MED13: variants seen among roughly 807,000 people sequenced by gnomAD.
MED13 encodes the protein mediator complex subunit 13, also known as mediator of RNA polymerase II transcription subunit 13.
In MED13, 23 loss-of-function variants were observed where a neutral mutation model predicts 225.2. The observed-to-expected ratio is 0.10, with a 90% CI of 0.07 to 0.14. MED13 has a LOEUF of 0.14. MED13 is among the 10% of genes least tolerant of loss of function. MED13 has a pLI of 1.00. For synonymous variants in MED13, 942 were observed against 889.2 expected (o/e 1.06, Z -1.06); for missense variants, 2,197 against 2,594.5 (o/e 0.85, Z 3.33).
At chr17:61,961,277 C>T (rs2079997049) in intron 22 of MED13, among the ~76,000 whole-genome samples, 187 bp from the exon 23 acceptor site, 1 of 151,852 alleles carries the variant, frequency 6.6e-6, no homozygotes, top group African/African-American at 2.4e-5. Flanking sequence ...GCCTGTAATC[C>T]CAGCACTTTG....
At chr17:61,998,280 A>G (rs997359310) in intron 9 of MED13, among the ~76,000 whole-genome samples, 5 of 152,206 alleles carry the variant, frequency 3.3e-5, no homozygotes, top group African/African-American at 1.2e-4. Flanking sequence ...TCAATTAGAC[A>G]TAAAGCTAAA....
At chr17:62,048,051 T>TACATATAC (rs1364860315) in intron 3 of MED13, among the ~76,000 whole-genome samples, 14 of 144,812 alleles carry the variant, frequency 9.7e-5, no homozygotes, top group African/African-American at 2.0e-4. Context: ...TACATATATA[T>TACATATAC]ATATATATAT....
Position 61,953,116 on chromosome 17 carries a change from A to G in MED13, c.5969-3T>C, listed in dbSNP as rs755866638. The G allele has an allele frequency of 1.2e-6, 2 of 1,608,658 alleles. No individual in the cohort carries two copies. Among genetic ancestry groups the G allele is most frequent in the South Asian group, 1.1e-5 (1 of 90,050 alleles). ...GATACCCATTCCATCTGCTCCATCT[A>G]AACAGGAGAAAGAAAAGAAATTTAA... is the stretch of plus-strand genomic sequence containing the variant. On this transcript the variant is annotated splice_region_variant and splice_polypyrimidine_tract_variant and intron_variant, in intron 26 of 29. Transcript: ENST00000397786.
intron 8 of MED13, among the ~76,000 whole-genome samples, chr17:62,026,310 T>C (rs1401659811): frequency 6.6e-6 from 1 of 152,084 alleles, no homozygotes; most frequent in Non-Finnish European, 1.5e-5. Context: ...ACCAATATAA[T>C]CCATTAGAAA....
intron 3 of MED13, chr17:62,036,968 T>A (rs888557719): frequency 2.0e-5 from 3 of 152,032 alleles, no homozygotes; most frequent in African/African-American, 7.2e-5. Flanking sequence ...TCGAAATAAA[T>A]TTTTTTTAGG....
intron 28 of MED13, among the ~76,000 whole-genome samples, chr17:61,948,806 G>GCCGGGCGCGGTGGCTC (rs1052798846): frequency 1.2e-4 from 18 of 151,366 alleles, no homozygotes; most frequent in Admixed American, 9.8e-4. Context: ...GTGAGTCACG[G>GCCGGGCGCGGTGGCTC]CCGGGCGCGG....
At chr17:62,034,761 T>C (rs1275501865) in intron 4 of MED13, among the ~76,000 whole-genome samples, 1 of 152,188 alleles carries the variant, frequency 6.6e-6, no homozygotes, top group African/African-American at 2.4e-5. Flanking sequence ...AAATATTTCT[T>C]CTAGAATTCA....
At chr17:62,015,830 T>G (rs1168000075) in intron 8 of MED13, among the ~76,000 whole-genome samples, 3 of 127,392 alleles carry the variant, frequency 2.4e-5, no homozygotes, top group Non-Finnish European at 4.9e-5. Context: ...ACACACTATA[T>G]ATATACACAC....
At chr17:62,054,019 G>C (rs1162850555) in intron 2 of MED13, among the ~76,000 whole-genome samples, 1 of 152,026 alleles carries the variant, frequency 6.6e-6, no homozygotes, top group Non-Finnish European at 1.5e-5. Flanking sequence ...TTTTAAATAA[G>C]CTTTAGGCTG....
At chr17:62,056,020 C>T (rs1418442578) in intron 2 of MED13, among the ~76,000 whole-genome samples, 2 of 152,118 alleles carry the variant, frequency 1.3e-5, no homozygotes, top group Admixed American at 6.5e-5. Context: ...CTAAATCCAA[C>T]GTATCTCTGA....
At chr17:61,962,715 T>G (rs1391703158) in intron 21 of MED13, 37 bp downstream of exon 21, 1 of 1,574,422 alleles carries the variant, frequency 6.4e-7, no homozygotes, top group East Asian at 2.2e-5. Flanking sequence ...TTAAACTGTT[T>G]TACATAATTT....
intron 20 of MED13, among the ~76,000 whole-genome samples, chr17:61,964,663 T>C (rs1244349770): frequency 6.6e-6 from 1 of 152,020 alleles, no homozygotes; most frequent in Admixed American, 6.6e-5. Flanking sequence ...TGGCTGGGCG[T>C]GGTGGCTCAC....
chr17:62,024,575 G>A (rs2080681607), intron 8 of MED13, among the ~76,000 whole-genome samples: 1 of 151,982 alleles, frequency 6.6e-6, no homozygotes, highest in Non-Finnish European at 1.5e-5. Flanking sequence ...GGGTAAATTC[G>A]CAGGTTTGTT....
At chr17:62,010,419 A>C (rs1050287558) in intron 9 of MED13, 131 bp downstream of exon 9, 1 of 548,358 alleles carries the variant, frequency 1.8e-6, no homozygotes, top group Admixed American at 4.2e-5. Context: ...TAAAGGAATA[A>C]TGCAAAGTTA....
intron 3 of MED13, among the ~76,000 whole-genome samples, chr17:62,048,398 C>CAAAAA: frequency 1.5e-5 from 1 of 68,082 alleles, no homozygotes; most frequent in Non-Finnish European, 2.8e-5. Context: ...GAGACTGTTT[C>CAAAAA]AAAAAAAAAA....
At position 62,062,602 on chromosome 17, in the gene MED13, A is replaced by ACACACACACACACACACAC. The variant is rs1555646446; in HGVS notation, c.301+446_301+464dup. Among the ~76,000 whole-genome samples the ACACACACACACACACACAC allele has an allele frequency of 8.5e-3, 212 of 25,058 alleles. 2 individuals are homozygous for ACACACACACACACACACAC. The highest frequency in any genetic ancestry group is 0.071 in the Middle Eastern group (3 of 42). 16.4% of individuals were successfully genotyped at this position (25,058 alleles called of 152,430 possible). ...AAACACACACACACACACACACACCACACACACACACACACACACACACAC... is the reference window on the plus strand; with the variant it reads ...AAACACACACACACACACACACACCACACACACACACACACACACCACACACACACACACACACACACAC... On this transcript the variant is annotated intron_variant, in intron 2 of 29. Coordinates refer to ENST00000397786, the MANE Select transcript of MED13 (RefSeq NM_005121.3).
intron 8 of MED13, among the ~76,000 whole-genome samples, chr17:62,020,137 CT>C (rs887849762): frequency 1.7e-4 from 26 of 151,950 alleles, no homozygotes; most frequent in African/African-American, 6.0e-4. Context: ...CAGAGTAATC[CT>C]TTTAGATTAT....
intron 8 of MED13, 40 bp from the exon 9 acceptor site, chr17:62,011,273 C>T (rs1338268218): frequency 7.1e-6 from 11 of 1,546,448 alleles, no homozygotes; most frequent in Admixed American, 3.9e-5. Flanking sequence ...TACAGTATCA[C>T]TATTATGGCG....
chr17:62,010,377 T>C (rs1376933012), intron 9 of MED13, 173 bp downstream of exon 9: 1 of 428,628 alleles, frequency 2.3e-6, no homozygotes, highest in East Asian at 3.6e-5. Flanking sequence ...AGTTATTTCA[T>C]AATGAAGAAG....
Sources: gnomAD v4.1 joint callset for allele counts (sites outside exome capture counted in the v4.1 genomes callset) on GRCh38, gnomAD v4.1.1 for gene constraint, MANE v1.5 for transcripts, NCBI Gene and HGNC (gene_info 2026-07-23, HGNC 2026-07-21) for gene names.